Variants in ZNF717 observed in about 807,000 individuals in gnomAD.
The protein encoded by ZNF717 is krueppel-like factor X17.
In ZNF717, 9 loss-of-function variants were observed where a neutral mutation model predicts 13.8. That is an observed-to-expected ratio of 0.65 (90% confidence interval 0.39 to 1.14). ZNF717 has a LOEUF of 1.14. Ranked by LOEUF, ZNF717 falls within the 50% of genes most tolerant of loss-of-function variation. The probability of loss-of-function intolerance (pLI) is 0.01; values close to 1 mark genes in which losing one functional copy is unlikely to be tolerated. For missense variants in ZNF717, 1,040 were observed against 1,080.7 expected (o/e 0.96, Z 0.53); for synonymous variants, 327 against 364.1 (o/e 0.90, Z 1.16).
intron 2 of ZNF717, among the ~76,000 whole-genome samples, chr3:75,764,440 T>C (rs1178705106): frequency 5.3e-5 from 8 of 152,172 alleles, no homozygotes; most frequent in Admixed American, 3.9e-4. Context: ...ACATAATCTA[T>C]ACCATGCAGC....
At chr3:75,725,694 A>T (rs1280003125), downstream of ZNF717, among the ~76,000 whole-genome samples, 41 of 71,964 alleles carry the variant, frequency 5.7e-4, no homozygotes, top group Non-Finnish European at 1.4e-3. Context: ...GCAGCAGACA[A>T]GAGAGAGCAT....
chr3:75,716,035 A>G (rs1269995160), intron 5 of ZNF717, among the ~76,000 whole-genome samples: 1 of 151,494 alleles, frequency 6.6e-6, no homozygotes, highest in Admixed American at 6.6e-5. Flanking sequence ...CAGTGGAACA[A>G]TCTCGGCTCA....
chr3:75,735,165 A>G (rs1559585271), downstream of ZNF717, among the ~76,000 whole-genome samples: 1 of 152,228 alleles, frequency 6.6e-6, no homozygotes, highest in African/African-American at 2.4e-5. Context: ...GTATGCTTAC[A>G]TATAAGTGAA....
chr3:75,732,631 C>A (rs1341134603), downstream of ZNF717, among the ~76,000 whole-genome samples: 1 of 152,210 alleles, frequency 6.6e-6, no homozygotes, highest in Non-Finnish European at 1.5e-5. Flanking sequence ...TCATCAAACA[C>A]TGAATCTCCT....
At chr3:75,723,735 G>C (rs370489448) in intron 4 of ZNF717, among the ~76,000 whole-genome samples, 1 of 152,154 alleles carries the variant, frequency 6.6e-6, no homozygotes, top group Non-Finnish European at 1.5e-5. Flanking sequence ...CTGGGAAGAC[G>C]CCTGTTACTG....
intron 6 of ZNF717, among the ~76,000 whole-genome samples, chr3:75,700,406 G>A (rs1937668417): frequency 6.7e-6 from 1 of 149,822 alleles, no homozygotes; most frequent in Non-Finnish European, 1.5e-5. Context: ...AAAAAAAAAA[G>A]ACATTCCTCA....
At chr3:75,768,557 C>G (rs376037831) in intron 2 of ZNF717, among the ~76,000 whole-genome samples, 230 of 144,276 alleles carry the variant, frequency 1.6e-3, no homozygotes, top group African/African-American at 5.3e-3. Flanking sequence ...GGGTAGATGA[C>G]AGACCACCAC....
At chr3:75,699,338 T>A (rs1470321290) in intron 6 of ZNF717, among the ~76,000 whole-genome samples, 290 of 144,730 alleles carry the variant, frequency 2.0e-3, no homozygotes, top group African/African-American at 8.2e-3. Flanking sequence ...AGATTTGCAA[T>A]GGCCAGGGGC....
intron 2 of ZNF717, 79 bp from the exon 3 acceptor site, chr3:75,741,815 C>T (rs77120981): frequency 5.3e-6 from 8 of 1,522,158 alleles, no homozygotes; most frequent in Non-Finnish European, 7.0e-6. Context: ...CCACGTCCTG[C>T]CACTCCTCCC....
chr3:75,760,643 T>C (rs1374227854), intron 2 of ZNF717, among the ~76,000 whole-genome samples: 5 of 151,854 alleles, frequency 3.3e-5, no homozygotes, highest in Non-Finnish European at 4.4e-5. Flanking sequence ...ATGCTTAAAT[T>C]GAAAAGAAGC....
intron 3 of ZNF717, 110 bp downstream of exon 3, chr3:75,741,499 AT>A (rs1940429867): frequency 6.9e-7 from 1 of 1,445,258 alleles, no homozygotes; most frequent in Non-Finnish European, 9.5e-7. Context: ...GTAGTGACAC[AT>A]TTTTCATCAA....
intron 2 of ZNF717, among the ~76,000 whole-genome samples, chr3:75,746,127 GGTT>G (rs1170480972): frequency 6.6e-6 from 1 of 152,036 alleles, no homozygotes; most frequent in Non-Finnish European, 1.5e-5. Context: ...TGTGGTGTTT[GGTT>G]TTTTGTCCTT....
At chr3:75,782,818 C>G (rs1469985239) in intron 2 of ZNF717, among the ~76,000 whole-genome samples, 1 of 152,194 alleles carries the variant, frequency 6.6e-6, no homozygotes, top group Non-Finnish European at 1.5e-5. Context: ...ACCATTTCCA[C>G]TGCACAACAC....
chr3:75,701,301 T>G (rs1279972542), intron 6 of ZNF717, among the ~76,000 whole-genome samples: 3 of 152,324 alleles, frequency 2.0e-5, no homozygotes, highest in African/African-American at 7.2e-5. Flanking sequence ...CTTCCCCATC[T>G]GCCATGATTG....
intron 2 of ZNF717, among the ~76,000 whole-genome samples, chr3:75,745,350 G>T (rs1941040352): frequency 6.6e-6 from 1 of 151,968 alleles, no homozygotes; most frequent in African/African-American, 2.4e-5. Context: ...CTATCTGAAG[G>T]ACAAGCATTC....
intron 2 of ZNF717, among the ~76,000 whole-genome samples, chr3:75,766,583 C>T (rs553367782): frequency 1.9e-3 from 291 of 152,328 alleles, no homozygotes; most frequent in African/African-American, 6.8e-3. Flanking sequence ...AGTTGACAAT[C>T]CACAATTATA....
chr3:75,718,640 G>A (rs73841560), intron 4 of ZNF717, among the ~76,000 whole-genome samples: 1 of 151,968 alleles, frequency 6.6e-6, no homozygotes, highest in Non-Finnish European at 1.5e-5. Context: ...GAGGATAGTT[G>A]CAGGATGAAA....
Position 75,738,317 on chromosome 3 carries a change from A to G in ZNF717, c.1306T>C (p.Ser436Pro). 2 of 1,542,246 alleles carry G rather than the reference A, an allele frequency of 1.3e-6. No individual in the cohort carries two copies. The highest frequency in any genetic ancestry group is 1.8e-6 in the Non-Finnish European group (2 of 1,139,864). The change falls in exon 5 of 5, where the codon TCA becomes CCA. Residue 436 changes from serine to proline, a missense_variant. Physicochemically the swap from Ser to Pro is moderately conservative, Grantham distance 74. Transcript: ENST00000652011. ...DHCEEAFSHK[S>P]RLTVHQRTHT... The stretch of plus-strand genomic sequence containing the variant: ...GTTCTCTGATGGACAGTAAGCCTTG[A>G]CTTATGGCTAAATGCTTCTTCACAA...
At chr3:75,723,717 A>ATG (rs1312873164) in intron 4 of ZNF717, among the ~76,000 whole-genome samples, 1 of 145,074 alleles carries the variant, frequency 6.9e-6, no homozygotes, top group Non-Finnish European at 1.5e-5. Context: ...TAGCGGTAAC[A>ATG]CCAGCGCCTG....
Sources: allele counts gnomAD v4.1 joint callset (sites outside exome capture counted in the v4.1 genomes callset), GRCh38; gene constraint gnomAD v4.1.1; transcripts MANE v1.5; gene names NCBI Gene and HGNC (gene_info 2026-07-23, HGNC 2026-07-21).